The following KCNMA1 variants were observed in gnomAD, a reference collection of about 807,000 sequenced individuals.
The protein encoded by KCNMA1 is Calcium-activated potassium channel subunit alpha-1.
KCNMA1 carries 29 observed loss-of-function variants against 140.0 expected under a neutral mutation model. That is an observed-to-expected ratio of 0.21 (90% confidence interval 0.15 to 0.28). The LOEUF is 0.28. KCNMA1 is among the 10% of genes least tolerant of loss of function. The probability of loss-of-function intolerance (pLI) is 1.00; values close to 1 mark genes in which losing one functional copy is unlikely to be tolerated. For missense variants in KCNMA1, 880 were observed against 1,602.2 expected, an observed-to-expected ratio of 0.55 and a Z score of 7.70; for synonymous variants, 612 against 611.9, an observed-to-expected ratio of 1.00 and a Z score of 0.00.
intron 2 of KCNMA1, among the ~76,000 whole-genome samples, chr10:77,330,354 T>A (rs17486753): frequency 0.26 from 39,692 of 152,118 alleles, 6,515 homozygotes; most frequent in Non-Finnish European, 0.38. Flanking sequence ...TTCCTCATCA[T>A]TCTGTCAATT....
Position 77,049,297 on chromosome 10 carries a change from C to G in KCNMA1, c.1750-9660G>C, listed in dbSNP as rs78640080. On this transcript the variant is annotated intron_variant, in intron 14 of 27. Transcript: ENST00000286628. ...TCTCTGAGGCCTTTCCTCATTTCAC[C>G]AATGTGCTGTGCTGTCCCTGCCTTA... Among the ~76,000 whole-genome samples, 947 of 152,242 alleles carry G rather than the reference C, an allele frequency of 6.2e-3. 11 individuals are homozygous for G. Among genetic ancestry groups the G allele is most frequent in the African/African-American group, 0.022 (912 of 41,532 alleles).
Position 77,108,641 on chromosome 10 carries a change from G to T in KCNMA1, c.1132-69C>A. The T allele has an allele frequency of 3.5e-6, 4 of 1,128,526 alleles. No homozygotes were observed. In the South Asian group the frequency reaches 3.7e-5, roughly 10 times the overall value. The allele number at this position is 1,128,526 out of a possible 1,614,324, so 69.9% of individuals were successfully genotyped here. ...AAGAAAAGGGGGGACCTGTTCAGAGGGTGGGGGCACTAAGATCTGAAAACA... is the reference window on the plus strand; with the variant it reads ...AAGAAAAGGGGGGACCTGTTCAGAGTGTGGGGGCACTAAGATCTGAAAACA... On this transcript the variant is annotated intron_variant, in intron 8 of 27. Coordinates refer to ENST00000286628, the MANE Select transcript of KCNMA1 (RefSeq NM_001161352.2). This position sits in a 1 kb window ranked among gnomAD's most constrained non-coding sequence, Gnocchi z 4.6.
intron 12 of KCNMA1, among the ~76,000 whole-genome samples, chr10:77,081,855 A>C (rs1255986087): frequency 6.6e-6 from 1 of 152,012 alleles, no homozygotes; most frequent in East Asian, 1.9e-4. Context: ...CATTAAACTG[A>C]GGAGGAAGGA....
chr10:77,426,909 C>A (rs922228854), intron 1 of KCNMA1, among the ~76,000 whole-genome samples: 2 of 152,220 alleles, frequency 1.3e-5, no homozygotes, highest in Non-Finnish European at 2.9e-5. Context: ...ACATCGTGAC[C>A]CACACATACC....
Position 77,038,851 on chromosome 10 carries a change from C to G in KCNMA1, c.1859+677G>C, listed in dbSNP as rs529561096. ...GATTCTAAGTGAGGAATCTGAGGCA[C>G]TGTCATGCCTCACGGCAGACACCTG... On this transcript the variant is annotated intron_variant, in intron 15 of 27. Transcript: ENST00000286628. Among the ~76,000 whole-genome samples, 10 of 152,328 alleles carry G rather than the reference C, an allele frequency of 6.6e-5. No homozygotes were observed. In the South Asian group the frequency reaches 2.1e-3, roughly 32 times the overall value.
intron 9 of KCNMA1, among the ~76,000 whole-genome samples, chr10:77,103,310 C>T (rs544581292): frequency 4.3e-4 from 66 of 152,312 alleles, no homozygotes; most frequent in South Asian, 2.1e-4. Context: ...CTCCCTCCAG[C>T]GGGATACAGG....
rs555945760 is a variant in KCNMA1 at position 77,600,176 on chromosome 10, C to A, written c.378+37089G>T. Among the ~76,000 whole-genome samples the A allele has an allele frequency of 2.6e-5, 4 of 152,320 alleles. No individual in the cohort carries two copies. The South Asian group carries it at 8.3e-4, about 32-fold the overall frequency. ...AGCTATTCCAAAATGGAACAACATA[C>A]CTAGGAGGCAGTGAGCTCCCTGCTA... On this transcript the variant is annotated intron_variant, in intron 1 of 27. Coordinates refer to ENST00000286628, the MANE Select transcript of KCNMA1 (RefSeq NM_001161352.2).
chr10:76,977,784 G>A (rs959156830), intron 19 of KCNMA1: 55 of 599,334 alleles, frequency 9.2e-5, no homozygotes, highest in African/African-American at 2.8e-4. Context: ...TGGTCCGCTC[G>A]TGTTTGAGGT....
chr10:77,522,193 A>ATAAATAAATAAG lies in KCNMA1; in HGVS notation c.378+115071_378+115072insCTTATTTATTTA, dbSNP rs1304233212. Among the ~76,000 whole-genome samples, 118 of 151,512 alleles carry ATAAATAAATAAG rather than the reference A, an allele frequency of 7.8e-4. 2 individuals are homozygous for ATAAATAAATAAG. Among genetic ancestry groups the ATAAATAAATAAG allele is most frequent in the Middle Eastern group, 3.4e-3 (1 of 294 alleles). Reference sequence around the variant, plus strand: ...ACTCCATCTCAAAATAAATAAATAAATAAATAAATAAATAAGACTCAGGGG... The same window carrying ATAAATAAATAAG: ...ACTCCATCTCAAAATAAATAAATAAATAAATAAATAAGTAAATAAATAAATAAGACTCAGGGG... On this transcript the variant is annotated intron_variant, in intron 1 of 27. Transcript: ENST00000286628.
At chr10:76,911,191 A>G (rs1318280000) in intron 24 of KCNMA1, 1 of 138,876 alleles carries the variant, frequency 7.2e-6, no homozygotes, top group Non-Finnish European at 1.5e-5. Flanking sequence ...CTTTCTTGAT[A>G]ACTCTTCTTT....
At position 77,061,897 on chromosome 10, in the gene KCNMA1, A is replaced by C. The variant is rs76605857; in HGVS notation, c.1749+11200T>G. ...GGAACTATGCTAAATGAAAAAAGCC[A>C]ATCTCAAAAGGTTACATGCTCCATG... On this transcript the variant is annotated intron_variant, in intron 14 of 27. Coordinates refer to ENST00000286628, the MANE Select transcript of KCNMA1 (RefSeq NM_001161352.2). Among the ~76,000 whole-genome samples the C allele has an allele frequency of 4.8e-3, 736 of 152,312 alleles. 7 individuals are homozygous for C. Among genetic ancestry groups the C allele is most frequent in the African/African-American group, 0.017 (690 of 41,562 alleles).
chr10:77,524,539 A>T (rs2054828648), intron 1 of KCNMA1, among the ~76,000 whole-genome samples: 1 of 152,204 alleles, frequency 6.6e-6, no homozygotes, highest in Non-Finnish European at 1.5e-5. Context: ...ACTCTCAAAA[A>T]CATGCAGAAA....
intron 3 of KCNMA1, among the ~76,000 whole-genome samples, chr10:77,190,996 T>C (rs1213549479): frequency 2.0e-5 from 3 of 152,158 alleles, no homozygotes; most frequent in African/African-American, 7.2e-5. Flanking sequence ...TAATAAGCTT[T>C]GCATCCCATT....
intron 16 of KCNMA1, among the ~76,000 whole-genome samples, chr10:77,021,962 C>A (rs964211551): frequency 6.6e-6 from 1 of 152,194 alleles, no homozygotes. Context: ...ATTAAGTCTT[C>A]TATACACATT....
At chr10:77,190,729 A>T (rs1307144989) in intron 3 of KCNMA1, among the ~76,000 whole-genome samples, 1 of 152,170 alleles carries the variant, frequency 6.6e-6, no homozygotes, top group Non-Finnish European at 1.5e-5. Flanking sequence ...CATGTGGGAC[A>T]CTAATAATCC....
At chr10:77,029,137 C>A (rs2093725539) in intron 15 of KCNMA1, among the ~76,000 whole-genome samples, 1 of 152,010 alleles carries the variant, frequency 6.6e-6, no homozygotes, top group Non-Finnish European at 1.5e-5. Flanking sequence ...TTAGATGAAC[C>A]TATACACTTA....
Position 77,481,902 on chromosome 10 carries a change from A to C in KCNMA1, c.379-77879T>G, listed in dbSNP as rs77692292. 7.2e-3 allele frequency among the ~76,000 whole-genome samples: 1,092 copies of C among 152,360 alleles called. 11 individuals are homozygous for C. The highest frequency in any genetic ancestry group is 0.044 in the East Asian group (228 of 5,176). ...TATCCCCATTTTACAGGTAAGAAGA[A>C]TAAAGACCAGAGGGCTATCCACAAC... is the stretch of plus-strand genomic sequence containing the variant. On this transcript the variant is annotated intron_variant, in intron 1 of 27. Transcript: ENST00000286628.
chr10:77,463,474 A>T (rs58941477), intron 1 of KCNMA1, among the ~76,000 whole-genome samples: 88,363 of 151,560 alleles, frequency 0.58, 26,233 homozygotes, highest in African/African-American at 0.67. Context: ...GCAACTCACA[A>T]AAGCCTGAGG....
chr10:76,986,400 G>A (rs2081280390), intron 19 of KCNMA1, among the ~76,000 whole-genome samples: 1 of 152,224 alleles, frequency 6.6e-6, no homozygotes, highest in Non-Finnish European at 1.5e-5. Context: ...CTTGCTTTGA[G>A]AACGAAGTGT....
Sources: allele counts gnomAD v4.1 joint callset (sites outside exome capture counted in the v4.1 genomes callset), GRCh38; gene constraint gnomAD v4.1.1; non-coding constraint Gnocchi (gnomAD v3.1); transcripts MANE v1.5; gene names NCBI Gene and HGNC (gene_info 2026-07-23, HGNC 2026-07-21).